Variants in AFF3 observed in about 807,000 individuals in gnomAD.
AFF3 encodes ALF transcription elongation factor 3.
In AFF3, 32 loss-of-function variants were observed where a neutral mutation model predicts 129.7. The observed-to-expected ratio is 0.25, with a 90% CI of 0.19 to 0.33. The LOEUF (loss-of-function observed/expected upper bound fraction) is 0.33, where lower values mean the gene tolerates loss of function less well. Among genes scored for constraint, AFF3 ranks in the 10% least tolerant of loss-of-function variants. AFF3 has a pLI of 1.00. For synonymous variants in AFF3, 644 were observed against 635.4 expected (o/e 1.01, Z -0.20); for missense variants, 1,373 against 1,592.0 (o/e 0.86, Z 2.34).
intron 8 of AFF3, among the ~76,000 whole-genome samples, chr2:99,830,500 C>T (rs1044245423): frequency 2.6e-5 from 4 of 152,074 alleles, no homozygotes; most frequent in African/African-American, 9.7e-5. Context: ...GCCTGTAATC[C>T]CAGCACTTTG....
intron 14 of AFF3, among the ~76,000 whole-genome samples, chr2:99,594,886 A>T: frequency 6.6e-6 from 1 of 152,314 alleles, no homozygotes; most frequent in Admixed American, 6.5e-5. Flanking sequence ...CATCTTTGGC[A>T]GCCTGACTGG....
intron 7 of AFF3, among the ~76,000 whole-genome samples, chr2:99,898,767 A>G (rs1312778343): frequency 6.6e-6 from 1 of 152,176 alleles, no homozygotes; most frequent in Non-Finnish European, 1.5e-5. Flanking sequence ...TTTCAGTCAT[A>G]CATTTTCATC....
intron 7 of AFF3, among the ~76,000 whole-genome samples, chr2:99,938,028 A>G (rs2106329748): frequency 6.6e-6 from 1 of 152,324 alleles, no homozygotes; most frequent in South Asian, 2.1e-4. Context: ...TCAGAGCTCC[A>G]TGACCTTGCT....
At chr2:100,057,284 G>A (rs1686874104) in intron 4 of AFF3, among the ~76,000 whole-genome samples, 1 of 130,418 alleles carries the variant, frequency 7.7e-6, no homozygotes, top group Non-Finnish European at 1.5e-5. Flanking sequence ...TCACGCCACT[G>A]CACACCAGCC....
intron 7 of AFF3, among the ~76,000 whole-genome samples, chr2:99,893,399 T>C (rs1320534178): frequency 6.6e-6 from 1 of 152,214 alleles, no homozygotes; most frequent in African/African-American, 2.4e-5. Flanking sequence ...TCCTCAAAAT[T>C]CACAAGTTGA....
intron 4 of AFF3, among the ~76,000 whole-genome samples, chr2:100,067,258 G>GAT (rs1687806240): frequency 6.6e-6 from 1 of 151,886 alleles, no homozygotes; most frequent in Non-Finnish European, 1.5e-5. Context: ...TTCGTCCCAG[G>GAT]ACTTAGAAAG....
At chr2:99,851,116 G>A (rs1305083555) in intron 7 of AFF3, among the ~76,000 whole-genome samples, 1 of 152,178 alleles carries the variant, frequency 6.6e-6, no homozygotes, top group Non-Finnish European at 1.5e-5. Flanking sequence ...AGCAAACAAA[G>A]GGTTAAGCTC....
intron 7 of AFF3, among the ~76,000 whole-genome samples, chr2:99,916,760 A>G (rs758458351): frequency 1.3e-5 from 2 of 152,036 alleles, no homozygotes; most frequent in Non-Finnish European, 1.5e-5. Flanking sequence ...ATTAGGAGCC[A>G]CTTCTTCAGA....
intron 7 of AFF3, among the ~76,000 whole-genome samples, chr2:99,979,121 G>A (rs1679162464): frequency 6.6e-6 from 1 of 152,070 alleles, no homozygotes; most frequent in Non-Finnish European, 1.5e-5. Context: ...ATATTTGCTT[G>A]CCTCCCTAGT....
At chr2:99,702,973 G>T (rs1677015587) in intron 11 of AFF3, among the ~76,000 whole-genome samples, 1 of 152,148 alleles carries the variant, frequency 6.6e-6, no homozygotes, top group Non-Finnish European at 1.5e-5. Context: ...TCAAGTCAGA[G>T]AACTCTTCAT....
chr2:99,601,407 G>A, intron 14 of AFF3, 28 bp downstream of exon 14: 1 of 1,565,708 alleles, frequency 6.4e-7, no homozygotes, highest in Non-Finnish European at 8.7e-7. Context: ...AGTGGGCAGA[G>A]GAGAGGCCTG....
intron 4 of AFF3, among the ~76,000 whole-genome samples, chr2:100,055,736 C>T (rs1331262108): frequency 1.3e-5 from 2 of 152,112 alleles, no homozygotes; most frequent in East Asian, 3.9e-4. Context: ...TACTGTAGCA[C>T]GAAAGCAGCC....
intron 16 of AFF3, 28 bp from the exon 17 acceptor site, chr2:99,583,027 T>C (rs747984411): frequency 1.2e-6 from 2 of 1,601,320 alleles, no homozygotes; most frequent in Non-Finnish European, 1.7e-6. Flanking sequence ...GGTAATGGAA[T>C]GTTACAGAGT....
chr2:99,771,120 G>A (rs911654736), intron 8 of AFF3, among the ~76,000 whole-genome samples: 1 of 152,192 alleles, frequency 6.6e-6, no homozygotes, highest in East Asian at 1.9e-4. Context: ...AGCATGGATG[G>A]AACTGGAAGC....
At chr2:99,799,237 A>T (rs990802475) in intron 8 of AFF3, among the ~76,000 whole-genome samples, 1 of 152,084 alleles carries the variant, frequency 6.6e-6, no homozygotes, top group African/African-American at 2.4e-5. Context: ...CTCTAATGGT[A>T]GAACAGAGAT....
At chr2:99,999,868 G>C (rs1010721308) in intron 7 of AFF3, among the ~76,000 whole-genome samples, 4 of 152,142 alleles carry the variant, frequency 2.6e-5, no homozygotes, top group Admixed American at 1.3e-4. Flanking sequence ...CTCTGCTCTA[G>C]AACCGGGCCA....
At chr2:100,093,733 G>A (rs991167951) in intron 4 of AFF3, among the ~76,000 whole-genome samples, 1 of 152,156 alleles carries the variant, frequency 6.6e-6, no homozygotes, top group African/African-American at 2.4e-5. Context: ...ACATGCTTCT[G>A]CAAAAAACTC....
At chr2:99,791,867 A>G (rs1475665697) in intron 8 of AFF3, among the ~76,000 whole-genome samples, 2 of 150,720 alleles carry the variant, frequency 1.3e-5, no homozygotes, top group African/African-American at 4.9e-5. Flanking sequence ...AATGGACCCC[A>G]GGCATCGTGC....
intron 2 of AFF3, among the ~76,000 whole-genome samples, chr2:100,112,851 C>A (rs1691571448): frequency 6.6e-6 from 1 of 152,224 alleles, no homozygotes; most frequent in Non-Finnish European, 1.5e-5. Flanking sequence ...GCAACTCTTT[C>A]CAGGGATGGC....
Sources: allele counts gnomAD v4.1 joint callset (sites outside exome capture counted in the v4.1 genomes callset), GRCh38; gene constraint gnomAD v4.1.1; transcripts MANE v1.5; gene names NCBI Gene and HGNC (gene_info 2026-07-23, HGNC 2026-07-21).